The following LNX1 variants were observed in gnomAD, a reference collection of about 807,000 sequenced individuals.
LNX1 encodes ligand of numb-protein X 1.
A neutral mutation model predicts 68.4 loss-of-function variants in LNX1; 54 were observed. That is an observed-to-expected ratio of 0.79 (90% CI 0.63 to 0.99). The LOEUF (loss-of-function observed/expected upper bound fraction) is 0.99. Ranked by LOEUF, LNX1 falls within the 50% of genes least tolerant of loss-of-function variation. The probability of loss-of-function intolerance (pLI) is 0.00; values close to 1 mark genes in which losing one functional copy is unlikely to be tolerated. For missense variants in LNX1, 906 were observed against 926.4 expected (o/e 0.98, Z 0.29); for synonymous variants, 336 against 350.0 (o/e 0.96, Z 0.45).
chr4:53,574,032 C>T lies in LNX1; in HGVS notation c.-30G>A, dbSNP rs1560675679. The T allele has an allele frequency of 6.3e-7, 1 of 1,575,818 alleles. No individual in the cohort carries two copies. The highest frequency in any genetic ancestry group is 1.2e-5 in the South Asian group (1 of 83,962). ...GATTGGAGAGCAGTATAACAGGAAA[C>T]TCAGTCACACAATATTTCCTCAGGA... On this transcript the variant is annotated 5_prime_UTR_variant, in exon 2 of 11. Coordinates refer to ENST00000263925, the MANE Select transcript of LNX1 (RefSeq NM_001126328.3).
intron 7 of LNX1, among the ~76,000 whole-genome samples, chr4:53,480,309 A>G (rs145540693): frequency 3.4e-4 from 52 of 152,340 alleles, no homozygotes; most frequent in African/African-American, 1.2e-3. Context: ...CATATGACAG[A>G]GGGTTGCAGC....
At chr4:53,499,196 GTC>G (rs1725296559) in intron 4 of LNX1, among the ~76,000 whole-genome samples, 1 of 151,982 alleles carries the variant, frequency 6.6e-6, no homozygotes, top group African/African-American at 2.4e-5. Flanking sequence ...TTGAGACAGG[GTC>G]TTACTCTGTT....
intron 2 of LNX1, among the ~76,000 whole-genome samples, chr4:53,518,018 A>G (rs1726922100): frequency 6.6e-6 from 1 of 152,250 alleles, no homozygotes; most frequent in Non-Finnish European, 1.5e-5. Context: ...TGCTGGGAAA[A>G]TGTCCCTAGT....
upstream of LNX1, among the ~76,000 whole-genome samples, chr4:53,592,781 A>G (rs1432772065): frequency 1.3e-5 from 2 of 152,100 alleles, no homozygotes; most frequent in African/African-American, 4.8e-5. Context: ...GGGAGAGGGA[A>G]GAAAAGGAAG....
exon 1 of LNX1, chr4:53,652,400 G>C (rs1735141948): frequency 6.6e-6 from 1 of 152,316 alleles, no homozygotes; most frequent in Non-Finnish European, 1.5e-5. Context: ...ATAAAACTGA[G>C]AGCAGCTATG....
chr4:53,495,616 C>T (rs540894357), intron 6 of LNX1, among the ~76,000 whole-genome samples: 34 of 149,180 alleles, frequency 2.3e-4, no homozygotes, highest in African/African-American at 6.2e-4. Flanking sequence ...GATCTCAGCT[C>T]ACTGCAACCT....
At chr4:53,649,983 A>C (rs565185304) in intron 1 of LNX1, among the ~76,000 whole-genome samples, 1 of 152,324 alleles carries the variant, frequency 6.6e-6, no homozygotes, top group African/African-American at 2.4e-5. Context: ...AAGAAAAAGG[A>C]GCAGGGACTG....
chr4:53,546,052 C>T (rs374434280), intron 2 of LNX1, among the ~76,000 whole-genome samples: 11 of 152,126 alleles, frequency 7.2e-5, no homozygotes, highest in Admixed American at 7.2e-4. Context: ...AGTGATCCAC[C>T]CACCTCAGCC....
chr4:53,580,834 C>T (rs1731787328), intron 1 of LNX1, among the ~76,000 whole-genome samples: 1 of 152,134 alleles, frequency 6.6e-6, no homozygotes, highest in Admixed American at 6.5e-5. Context: ...TGTTTGTAAA[C>T]GTTCCTTTAC....
intron 2 of LNX1, among the ~76,000 whole-genome samples, chr4:53,516,447 G>A (rs1726791898): frequency 6.6e-6 from 1 of 152,168 alleles, no homozygotes; most frequent in Admixed American, 6.5e-5. Context: ...AGAGAGGGAG[G>A]TAAGAGCTAA....
rs116523473 is a variant in LNX1, at chr4:53,614,633, G to T, written c.-215+1884C>A. On this transcript the variant is annotated intron_variant, in intron 2 of 3. Transcript: ENST00000504299. Reference sequence around the variant, plus strand: ...TCATAGGTCTTAGAATTTTAGACTTGCCTAAGTTGTGAAATTCTTTAGGGT... The same window carrying T: ...TCATAGGTCTTAGAATTTTAGACTTTCCTAAGTTGTGAAATTCTTTAGGGT... 4.0e-3 allele frequency among the ~76,000 whole-genome samples: 602 copies of T among 152,318 alleles called. 3 individuals are homozygous for T. The highest frequency in any genetic ancestry group is 0.014 in the African/African-American group (583 of 41,570).
At chr4:53,600,930 T>C (rs1471736440) in intron 2 of LNX1, among the ~76,000 whole-genome samples, 1 of 149,064 alleles carries the variant, frequency 6.7e-6, no homozygotes, top group Non-Finnish European at 1.5e-5. Context: ...ATACAAAATT[T>C]AGCCAGGCGT....
chr4:53,607,246 T>A (rs748803185), intron 2 of LNX1, among the ~76,000 whole-genome samples: 2 of 152,214 alleles, frequency 1.3e-5, no homozygotes, highest in Non-Finnish European at 2.9e-5. Context: ...ACTGATCTGA[T>A]AAACAACTTA....
intron 3 of LNX1, 64 bp downstream of exon 3, chr4:53,507,922 T>C (rs1349165617): frequency 1.2e-5 from 18 of 1,563,632 alleles, no homozygotes; most frequent in Non-Finnish European, 1.6e-5. Context: ...CCACAGTAAG[T>C]ATTCCACAGA....
intron 2 of LNX1, among the ~76,000 whole-genome samples, chr4:53,564,811 G>A (rs1730536770): frequency 6.6e-6 from 1 of 152,230 alleles, no homozygotes; most frequent in Non-Finnish European, 1.5e-5. Flanking sequence ...CCGAAGCAGG[G>A]CGAGGCATTG....
chr4:53,465,183 TAAAC>T (rs1722582388), intron 9 of LNX1, among the ~76,000 whole-genome samples: 2 of 152,182 alleles, frequency 1.3e-5, no homozygotes, highest in South Asian at 2.1e-4. Context: ...ATTTGGCAAA[TAAAC>T]AAGTTTGGCT....
chr4:53,509,169 C>T (rs1352113392), intron 2 of LNX1, among the ~76,000 whole-genome samples: 1 of 152,220 alleles, frequency 6.6e-6, no homozygotes, highest in East Asian at 1.9e-4. Context: ...TCTCACTCTA[C>T]TGTGGGGAGG....
chr4:53,461,659 G>A (rs143241829), intron 9 of LNX1, 66 bp from the exon 10 acceptor site: 20 of 1,264,372 alleles, frequency 1.6e-5, no homozygotes, highest in Middle Eastern at 2.0e-4. Flanking sequence ...TACTTACTGT[G>A]ACTCATCCTC....
At chr4:53,635,265 G>A (rs563943220) in intron 1 of LNX1, among the ~76,000 whole-genome samples, 2 of 152,314 alleles carry the variant, frequency 1.3e-5, no homozygotes, top group South Asian at 2.1e-4. Flanking sequence ...GAGGCCAGAT[G>A]TGGAGAGAGA....
Sources: gnomAD v4.1 joint callset for allele counts (sites outside exome capture counted in the v4.1 genomes callset) on GRCh38, gnomAD v4.1.1 for gene constraint, MANE v1.5 for transcripts, NCBI Gene and HGNC (gene_info 2026-07-23, HGNC 2026-07-21) for gene names.